KLHL31: variants seen among roughly 807,000 people sequenced by gnomAD.
The protein encoded by KLHL31 is kelch-like protein 31.
Under a neutral mutation model 47.1 loss-of-function variants are expected in KLHL31, and 32 were observed. The ratio of observed to expected loss-of-function variants is 0.68; its 90% CI spans 0.51 to 0.91. The LOEUF is 0.91. Among genes scored for constraint, KLHL31 ranks in the 40% least tolerant of loss-of-function variants. KLHL31 has a pLI of 0.00. For missense variants in KLHL31, 797 were observed against 819.3 expected (o/e 0.97, Z 0.33); for synonymous variants, 330 against 325.1 (o/e 1.01, Z -0.16).
Position 53,655,081 on chromosome 6 carries a change from A to C in KLHL31, c.192T>G (p.Ser64Arg). Residue 64 changes from serine (S) to arginine (R), a missense_variant, in exon 2 of 3, where the codon AGT becomes AGG. Physicochemically the swap from Ser to Arg is moderately radical, Grantham distance 110. Coordinates refer to ENST00000370905, the MANE Select transcript of KLHL31 (RefSeq NM_001003760.5). ...ATAGGAAGTTCTCCTGCCGCATTTT[A>C]CTTAAACCTTCCAAGAGGTTGGGGC... The part of the protein sequence containing the change: ...SYGPNLLEGL[S>R]KMRQENFLCD... 6.2e-7 allele frequency: 1 copy of C among 1,614,074 alleles called. No individual in the cohort carries two copies. The highest frequency in any genetic ancestry group is 2.2e-5 in the East Asian group (1 of 44,876).
intron 1 of KLHL31, among the ~76,000 whole-genome samples, chr6:53,655,594 CTTTTTTCTTTTTTTCT>C (rs919513848): frequency 4.6e-5 from 6 of 130,550 alleles, no homozygotes; most frequent in African/African-American, 1.7e-4. Flanking sequence ...TTCTTTCTTT[CTTTTTTCTTTTTTTCT>C]TTTTTTTTTT....
chr6:53,652,218 C>A lies in KLHL31; in HGVS notation c.1285G>T (p.Ala429Ser), dbSNP rs1222402683. ...GLVYAAGGRN[A>S]EGSLASLECY... ...TCCAGCGAGGCCAGGCTTCCTTCTG[C>A]GTTGCGGCCGCCCGCGGCGTACACG... Residue 429 changes from alanine (A) to serine (S), a missense_variant, in exon 3 of 3, where the codon GCA (alanine) becomes TCA (serine). Transcript: ENST00000370905. 5.6e-6 allele frequency: 9 copies of A among 1,613,558 alleles called. No homozygotes were observed. The highest frequency in any genetic ancestry group is 7.6e-6 in the Non-Finnish European group (9 of 1,180,030).
At position 53,648,987 on chromosome 6, in the gene KLHL31, T is replaced by TA. The variant is rs1764430635; in HGVS notation, c.*2610dup. 1 of 152,112 alleles carries TA rather than the reference T, an allele frequency of 6.6e-6. No homozygotes were observed. 9.4% of individuals were successfully genotyped at this position (152,112 alleles called of 1,614,324 possible). On this transcript the variant is annotated 3_prime_UTR_variant, in exon 3 of 3. Coordinates refer to ENST00000370905, the MANE Select transcript of KLHL31 (RefSeq NM_001003760.5). The stretch of plus-strand genomic sequence containing the variant: ...AAAAATAACAAGTCATTTTCTTTAA[T>TA]AAAAAATAAAAGGAAGTATATGGTT...
chr6:53,655,132 A>C lies in KLHL31; in HGVS notation c.141T>G (p.Ser47=). Residue 47 remains serine, a synonymous_variant, in exon 2 of 3, where the codon TCT becomes TCG. Transcript: ENST00000370905. ...CATAAGAAGCATCTGTTAGTTCAGA[A>C]GAAATGCAGCTAAGGCCATTGCCTC... ...LEGGNGLSCI[S]SELTDASYGP... 6 of 1,614,218 alleles carry C rather than the reference A, an allele frequency of 3.7e-6. No individual in the cohort carries two copies. The highest frequency in any genetic ancestry group is 5.1e-6 in the Non-Finnish European group (6 of 1,180,032).
Position 53,655,093 on chromosome 6 carries a change from C to T in KLHL31, c.180G>A (p.Leu60=), listed in dbSNP as rs1186810405. Residue 60 remains leucine (L), a synonymous_variant, in exon 2 of 3, where the codon TTG becomes TTA. Transcript: ENST00000370905. The stretch of plus-strand genomic sequence containing the variant: ...CCTGCCGCATTTTACTTAAACCTTC[C>T]AAGAGGTTGGGGCCATAAGAAGCAT... ...LTDASYGPNL[L]EGLSKMRQEN... 2.5e-6 allele frequency: 4 copies of T among 1,613,932 alleles called. No individual in the cohort carries two copies.
At chr6:53,653,446 A>G (rs1380468106) in intron 2 of KLHL31, among the ~76,000 whole-genome samples, 3 of 152,364 alleles carry the variant, frequency 2.0e-5, no homozygotes, top group African/African-American at 7.2e-5. Context: ...TTTCATATGA[A>G]TGGAAGTTTA....
At position 53,654,679 on chromosome 6, in the gene KLHL31, G is replaced by A; in HGVS notation, c.594C>T (p.Asn198=). ...GATCCGATTCTGCAAATTCAAGGAA[G>A]TTATCCCGAATAAATTTCTGGGCTG... ...KAAAQKFIRD[N]FLEFAESDQF... is the part of the protein sequence containing the mutation. The change falls in exon 2 of 3, where the codon AAC becomes AAT. Residue 198 remains asparagine (N), a synonymous_variant. Transcript: ENST00000370905. The A allele has an allele frequency of 1.2e-6, 2 of 1,614,172 alleles. No individual in the cohort carries two copies. Among genetic ancestry groups the A allele is most frequent in the Non-Finnish European group, 1.7e-6 (2 of 1,180,016 alleles).
At chr6:53,663,815 C>T (rs1373993352) in intron 1 of KLHL31, among the ~76,000 whole-genome samples, 1 of 152,048 alleles carries the variant, frequency 6.6e-6, no homozygotes, top group Non-Finnish European at 1.5e-5. Flanking sequence ...AAGACTGATG[C>T]CTTTTTGATT....
At chr6:53,654,039 T>C in intron 2 of KLHL31, 62 bp downstream of exon 2, 1 of 1,366,934 alleles carries the variant, frequency 7.3e-7, no homozygotes, top group East Asian at 2.3e-5. Context: ...AATTTACTTC[T>C]ATGTTAGGGC....
rs761726684 is a variant in KLHL31, at chr6:53,654,779, C to T, written c.494G>A (p.Arg165Gln). The T allele has an allele frequency of 1.1e-5, 18 of 1,613,918 alleles. No individual in the cohort carries two copies. The highest frequency in any genetic ancestry group is 2.2e-5 in the South Asian group (2 of 91,074). ...CATGCAATTCTCAACACTCATCTCCCGTATCAGAAAATCACTGCACATCTT... is the reference window on the plus strand; with the variant it reads ...CATGCAATTCTCAACACTCATCTCCTGTATCAGAAAATCACTGCACATCTT... ...LVKMCSDFLI[R>Q]EMSVENCMYV... is the part of the protein sequence containing the mutation. Residue 165 changes from arginine (R) to glutamine (Q), a missense_variant, in exon 2 of 3, where the codon CGG becomes CAG. Physicochemically the swap from Arg to Gln is conservative, Grantham distance 43. Transcript: ENST00000370905.
At chr6:53,653,798 T>A (rs1764510338) in intron 2 of KLHL31, among the ~76,000 whole-genome samples, 1 of 152,210 alleles carries the variant, frequency 6.6e-6, no homozygotes, top group Non-Finnish European at 1.5e-5. Context: ...AGTGAGTAAA[T>A]GTGAATTGCC....
intron 1 of KLHL31, among the ~76,000 whole-genome samples, chr6:53,660,825 A>G (rs1364575480): frequency 2.0e-5 from 3 of 152,228 alleles, no homozygotes; most frequent in Non-Finnish European, 4.4e-5. Context: ...TCAAGAAAAG[A>G]AAAGAAACCG....
Position 53,652,290 on chromosome 6 carries a change from T to C in KLHL31, c.1213A>G (p.Met405Val). ...CTGAAGTGCGTGCGCTTCTGGTTCA[T>C]GCTGGCCAGGTGTATCCAGGTGTTG... ...RFNTWIHLAS[M>V]NQKRTHFSLS... Residue 405 changes from methionine to valine, a missense_variant, in exon 3 of 3, where the codon ATG (methionine) becomes GTG (valine). Coordinates refer to ENST00000370905, the MANE Select transcript of KLHL31 (RefSeq NM_001003760.5). 1 of 1,614,184 alleles carries C rather than the reference T, an allele frequency of 6.2e-7. No homozygotes were observed. Among genetic ancestry groups the C allele is most frequent in the Non-Finnish European group, 8.5e-7 (1 of 1,180,038 alleles).
In KLHL31 at chr6:53,654,268, G is replaced by A. The variant is rs747945994; in HGVS notation, c.1005C>T (p.Asp335=). 3 of 1,614,066 alleles carry A rather than the reference G, an allele frequency of 1.9e-6. No individual in the cohort carries two copies. Among genetic ancestry groups the A allele is most frequent in the East Asian group, 2.2e-5 (1 of 44,896 alleles). ...PGLTEKSLSR[D]ILYRDPENGW... Reference sequence around the variant, plus strand: ...CATTTTCAGGGTCTCTATACAAGATGTCTCTGCTAAGGGACTTCTCAGTAA... The same window carrying A: ...CATTTTCAGGGTCTCTATACAAGATATCTCTGCTAAGGGACTTCTCAGTAA... Residue 335 remains aspartate (D), a synonymous_variant, in exon 2 of 3, where the codon GAC becomes GAT. Transcript: ENST00000370905.
chr6:53,653,190 TAAATACAGA>T (rs1461204260), intron 2 of KLHL31, among the ~76,000 whole-genome samples: 1 of 152,230 alleles, frequency 6.6e-6, no homozygotes, highest in Admixed American at 6.5e-5. Flanking sequence ...AGAAGTATTG[TAAATACAGA>T]ACTCACTCCT....
At chr6:53,664,399 T>C (rs1764689955) in intron 1 of KLHL31, among the ~76,000 whole-genome samples, 1 of 152,208 alleles carries the variant, frequency 6.6e-6, no homozygotes, top group Non-Finnish European at 1.5e-5. Flanking sequence ...TGTGTGCATA[T>C]GTTTATGTGT....
chr6:53,665,363 A>G (rs1219251006), intron 1 of KLHL31, among the ~76,000 whole-genome samples: 2 of 152,194 alleles, frequency 1.3e-5, no homozygotes, highest in Non-Finnish European at 2.9e-5. Flanking sequence ...CATCATTGTC[A>G]TGCATTTTGT....
chr6:53,653,118 G>T (rs1764501628), intron 2 of KLHL31, among the ~76,000 whole-genome samples: 1 of 152,156 alleles, frequency 6.6e-6, no homozygotes, highest in Admixed American at 6.5e-5. Flanking sequence ...GTACTAAAAG[G>T]TGTCTTTACA....
In KLHL31 at chr6:53,647,947, G is replaced by C. The variant is rs541063821; in HGVS notation, c.*3651C>G. Reference sequence around the variant, plus strand: ...CTTATTGAATGCAGCTTTATTGATAGTGATGAGATTACAAAATAACACTAC... The same window carrying C: ...CTTATTGAATGCAGCTTTATTGATACTGATGAGATTACAAAATAACACTAC... On this transcript the variant is annotated 3_prime_UTR_variant, in exon 3 of 3. Transcript: ENST00000370905. The C allele has an allele frequency of 6.6e-6, 1 of 152,614 alleles. No individual in the cohort carries two copies. The highest frequency in any genetic ancestry group is 1.5e-5 in the Non-Finnish European group (1 of 68,032). The allele number at this position is 152,614 out of a possible 1,614,324, so 9.5% of individuals were successfully genotyped here.
Sources: allele counts gnomAD v4.1 joint callset (sites outside exome capture counted in the v4.1 genomes callset), GRCh38; gene constraint gnomAD v4.1.1; transcripts MANE v1.5; gene names NCBI Gene and HGNC (gene_info 2026-07-23, HGNC 2026-07-21).